Variants in GAN observed in about 807,000 individuals in gnomAD.
The protein encoded by GAN is epididymis secretory sperm binding protein.
In GAN, 48 loss-of-function variants were observed where a neutral mutation model predicts 71.3. That is an observed-to-expected ratio of 0.67 (90% confidence interval 0.53 to 0.86). The LOEUF (loss-of-function observed/expected upper bound fraction) is 0.86. GAN is among the 40% of genes least tolerant of loss of function. The pLI is 0.00. For synonymous variants in GAN, 386 were observed against 276.8 expected (o/e 1.39, Z -3.92); for missense variants, 928 against 770.1 (o/e 1.21, Z -2.43).
chr16:81,316,759 G>A (rs373482016), intron 1 of GAN, among the ~76,000 whole-genome samples: 2 of 152,158 alleles, frequency 1.3e-5, no homozygotes, highest in African/African-American at 4.8e-5. Flanking sequence ...ATCCTTGTTC[G>A]TTTTTCTCCA....
intron 1 of GAN, among the ~76,000 whole-genome samples, chr16:81,340,227 C>A (rs969538143): frequency 6.6e-6 from 1 of 152,220 alleles, no homozygotes; most frequent in South Asian, 2.1e-4. Flanking sequence ...GCGTGAGCCA[C>A]TGTGCCCAGC....
intron 1 of GAN, among the ~76,000 whole-genome samples, chr16:81,335,661 C>T (rs1259105767): frequency 1.3e-5 from 2 of 149,724 alleles, no homozygotes; most frequent in South Asian, 2.1e-4. Context: ...GCAGGAGAAT[C>T]GCTTGAACTC....
At chr16:81,346,811 C>T (rs1910133717) in intron 1 of GAN, among the ~76,000 whole-genome samples, 1 of 152,176 alleles carries the variant, frequency 6.6e-6, no homozygotes, top group African/African-American at 2.4e-5. Context: ...AGAAGACTGC[C>T]TGGCAGGAGG....
chr16:81,358,590 C>G (rs1910568500), intron 5 of GAN, among the ~76,000 whole-genome samples: 1 of 150,080 alleles, frequency 6.7e-6, no homozygotes, highest in Non-Finnish European at 1.5e-5. Context: ...GCCTGGGTGA[C>G]AGAGTGAGAC....
chr16:81,325,773 C>T (rs528773564), intron 1 of GAN, among the ~76,000 whole-genome samples: 1 of 152,272 alleles, frequency 6.6e-6, no homozygotes, highest in South Asian at 2.1e-4. Context: ...GCCTGGCTGC[C>T]TAGGGAAAGT....
At chr16:81,359,708 G>A (rs567940159) in intron 5 of GAN, among the ~76,000 whole-genome samples, 3 of 152,102 alleles carry the variant, frequency 2.0e-5, no homozygotes, top group Non-Finnish European at 2.9e-5. Flanking sequence ...CAAGACCCCC[G>A]AGTGGTTGTC....
At chr16:81,363,627 AGTTAGT>A (rs1369206105) in intron 6 of GAN, among the ~76,000 whole-genome samples, 161 bp from the exon 7 acceptor site, 2 of 152,194 alleles carry the variant, frequency 1.3e-5, no homozygotes, top group Non-Finnish European at 2.9e-5. Context: ...CGTACCCAAT[AGTTAGT>A]GTTTCAGCCC....
In GAN at chr16:81,364,847, C is replaced by T. The variant is rs888728655; in HGVS notation, c.1237-127C>T. On this transcript the variant is annotated intron_variant, in intron 7 of 10. Coordinates refer to ENST00000648994, the MANE Select transcript of GAN (RefSeq NM_022041.4). ...GTGTTGTAATACTGAAAAGCACCAT[C>T]GTTTTACGGTTAGAAATCAAACCCC... 134 of 899,638 alleles carry T rather than the reference C, an allele frequency of 1.5e-4. 1 individual carries two copies. The Middle Eastern group carries it at 2.2e-3, about 15-fold the overall frequency. The allele number at this position is 899,638 out of a possible 1,614,324, so 55.7% of individuals were successfully genotyped here. A position where few individuals can be genotyped will look rare whatever the true frequency, so the allele number is the denominator to read the frequency against.
Position 81,377,410 on chromosome 16 carries a change from C to A in GAN, c.1613-5C>A, listed in dbSNP as rs749592959. 2 of 1,613,378 alleles carry A rather than the reference C, an allele frequency of 1.2e-6. No homozygotes were observed. Among genetic ancestry groups the A allele is most frequent in the South Asian group, 2.2e-5 (2 of 91,072 alleles). ...TTCTCACCCTTGCTTATTTCTGTGGCTTAGGTACCAATTACGACTACGTGC... is the reference window on the plus strand; with the variant it reads ...TTCTCACCCTTGCTTATTTCTGTGGATTAGGTACCAATTACGACTACGTGC... On this transcript the variant is annotated splice_polypyrimidine_tract_variant and splice_region_variant and intron_variant, in intron 10 of 10. Coordinates refer to ENST00000648994, the MANE Select transcript of GAN (RefSeq NM_022041.4).
rs1179152092 is a variant in GAN, at chr16:81,384,774, C to G, written c.*7178C>G. 2 of 152,152 alleles carry G rather than the reference C, an allele frequency of 1.3e-5. No homozygotes were observed. Among genetic ancestry groups the G allele is most frequent in the East Asian group, 1.9e-4 (1 of 5,186 alleles). The allele number at this position is 152,152 out of a possible 1,614,324, so 9.4% of individuals were successfully genotyped here. On this transcript the variant is annotated 3_prime_UTR_variant, in exon 11 of 11. Transcript: ENST00000648994. ...CATGTATCTGTGGAACATCCCTCAC[C>G]TTCCTCCGGTATGCGCCTTCTGCAC...
chr16:81,315,001 C>T lies in GAN; in HGVS notation c.-113C>T. The T allele has an allele frequency of 2.1e-6, 2 of 931,038 alleles. No individual in the cohort carries two copies. The highest frequency in any genetic ancestry group is 2.9e-6 in the Non-Finnish European group (2 of 684,060). 57.7% of individuals were successfully genotyped at this position (931,038 alleles called of 1,614,324 possible). A position where few individuals can be genotyped will look rare whatever the true frequency, so the allele number is the denominator to read the frequency against. ...CGTCCCGGGGGCTCCAGCTTCTGCT[C>T]AGAGCGCGGAGAGCCGGGCCGGGCG... On this transcript the variant is annotated 5_prime_UTR_variant, in exon 1 of 11. Transcript: ENST00000648994.
rs1904292152 is a variant in GAN at position 81,378,981 on chromosome 16, T to C, written c.*1385T>C. 6.6e-6 allele frequency: 1 copy of C among 152,292 alleles called. No homozygotes were observed. Among genetic ancestry groups the C allele is most frequent in the African/African-American group, 2.4e-5 (1 of 41,464 alleles). 9.4% of individuals were successfully genotyped at this position (152,292 alleles called of 1,614,324 possible). On this transcript the variant is annotated 3_prime_UTR_variant, in exon 11 of 11. Coordinates refer to ENST00000648994, the MANE Select transcript of GAN (RefSeq NM_022041.4). The stretch of plus-strand genomic sequence containing the variant: ...TTCCTAAATTGAATTTTATGCAATG[T>C]CAAATTTCTAATCAATTTAATATAC...
chr16:81,351,768 A>G, intron 2 of GAN, 71 bp downstream of exon 2: 1 of 792,120 alleles, frequency 1.3e-6, no homozygotes, highest in Non-Finnish European at 2.3e-6. Context: ...GTCTCCTTTC[A>G]TCCATTATAT....
chr16:81,348,337 C>T (rs76764608), intron 1 of GAN, among the ~76,000 whole-genome samples: 3,198 of 152,260 alleles, frequency 0.021, 57 homozygotes, highest in East Asian at 0.081. Flanking sequence ...GGGAAGATTA[C>T]GATGAATTTT....
chr16:81,366,280 A>G (rs1300641489), intron 9 of GAN, among the ~76,000 whole-genome samples: 2 of 152,160 alleles, frequency 1.3e-5, no homozygotes, highest in Non-Finnish European at 2.9e-5. Context: ...ACCTGTCTGT[A>G]TCAGATGCTT....
rs1310806988 is a variant in GAN, at chr16:81,388,410, T to G, written c.*10814T>G. 1.3e-5 allele frequency: 2 copies of G among 152,464 alleles called. No individual in the cohort carries two copies. The highest frequency in any genetic ancestry group is 3.8e-4 in the East Asian group (2 of 5,200). The allele number at this position is 152,464 out of a possible 1,614,324, so 9.4% of individuals were successfully genotyped here. A position where few individuals can be genotyped will look rare whatever the true frequency, so the allele number is the denominator to read the frequency against. The stretch of plus-strand genomic sequence containing the variant: ...TTCCACAACCAGCTGGCCCTGGCTG[T>G]GAGAGTCAGATCTGTCCCCAAGGCT... On this transcript the variant is annotated 3_prime_UTR_variant, in exon 11 of 11. Coordinates refer to ENST00000648994, the MANE Select transcript of GAN (RefSeq NM_022041.4).
At chr16:81,357,744 G>A in intron 4 of GAN, 66 bp from the exon 5 acceptor site, 1 of 1,414,128 alleles carries the variant, frequency 7.1e-7, no homozygotes, top group Non-Finnish European at 1.0e-6. Context: ...TAAAACTAGT[G>A]ATGGCTACTT....
intron 1 of GAN, among the ~76,000 whole-genome samples, chr16:81,341,691 A>G (rs186823661): frequency 9.1e-4 from 138 of 152,350 alleles, no homozygotes; most frequent in African/African-American, 3.3e-3. Flanking sequence ...GCCAAATTGT[A>G]AAGACCATCG....
At chr16:81,373,921 T>G (rs1904274644) in intron 9 of GAN, among the ~76,000 whole-genome samples, 1 of 152,134 alleles carries the variant, frequency 6.6e-6, no homozygotes, top group Non-Finnish European at 1.5e-5. Context: ...TTTTGTATCT[T>G]TAGTAGAGAT....
Sources: allele counts gnomAD v4.1 joint callset (sites outside exome capture counted in the v4.1 genomes callset), GRCh38; gene constraint gnomAD v4.1.1; transcripts MANE v1.5; gene names NCBI Gene and HGNC (gene_info 2026-07-23, HGNC 2026-07-21).